Variants in MB21D2 observed in about 807,000 individuals in gnomAD.
The protein encoded by MB21D2 is nucleotidyltransferase MB21D2.
Under a neutral mutation model 33.3 loss-of-function variants are expected in MB21D2, and 9 were observed. That is an observed-to-expected ratio of 0.27 (90% CI 0.16 to 0.47). The LOEUF is 0.47. Among genes scored for constraint, MB21D2 ranks in the 20% least tolerant of loss-of-function variants. The probability of loss-of-function intolerance (pLI) is 0.99; values close to 1 mark genes in which losing one functional copy is unlikely to be tolerated. For synonymous variants in MB21D2, 241 were observed against 236.3 expected (o/e 1.02, Z -0.18); for missense variants, 540 against 624.6 (o/e 0.86, Z 1.44).
intron 1 of MB21D2, among the ~76,000 whole-genome samples, chr3:192,897,206 A>G (rs1448863500): frequency 6.6e-6 from 1 of 152,182 alleles, no homozygotes; most frequent in Admixed American, 6.5e-5. Context: ...AAAGTCGTCA[A>G]ACTAGTCAGA....
At chr3:192,843,519 G>C (rs1030872192) in intron 1 of MB21D2, among the ~76,000 whole-genome samples, 5 of 152,074 alleles carry the variant, frequency 3.3e-5, no homozygotes, top group African/African-American at 1.2e-4. Context: ...AAAAGCAATA[G>C]AGGTAGGGAC....
intron 1 of MB21D2, among the ~76,000 whole-genome samples, chr3:192,857,426 AG>A (rs1417892138): frequency 6.6e-6 from 1 of 152,248 alleles, no homozygotes; most frequent in Non-Finnish European, 1.5e-5. Context: ...ATTAGATGCC[AG>A]AGGAGAAACA....
At chr3:192,913,226 T>C (rs559841005) in intron 1 of MB21D2, among the ~76,000 whole-genome samples, 17 of 152,028 alleles carry the variant, frequency 1.1e-4, no homozygotes, top group African/African-American at 4.1e-4. Context: ...CGAAACCCTG[T>C]CTCTACCAAA....
intron 1 of MB21D2, among the ~76,000 whole-genome samples, chr3:192,865,746 T>A (rs532311882): frequency 1.5e-4 from 23 of 152,058 alleles, no homozygotes; most frequent in Admixed American, 9.2e-4. Flanking sequence ...AACATATGAT[T>A]GTCTTTATCA....
At chr3:192,898,224 A>T (rs1162350522) in intron 1 of MB21D2, among the ~76,000 whole-genome samples, 4 of 142,940 alleles carry the variant, frequency 2.8e-5, no homozygotes, top group African/African-American at 7.7e-5. Flanking sequence ...AATCTCACGT[A>T]TTTTTTTTTT....
chr3:192,808,597 T>C (rs763515769), intron 1 of MB21D2, among the ~76,000 whole-genome samples: 3 of 152,154 alleles, frequency 2.0e-5, no homozygotes, highest in Non-Finnish European at 2.9e-5. Flanking sequence ...CAAGAGAGGA[T>C]CAATCAGAAT....
intron 1 of MB21D2, among the ~76,000 whole-genome samples, chr3:192,888,895 A>G (rs944847803): frequency 2.0e-5 from 3 of 152,078 alleles, no homozygotes; most frequent in South Asian, 4.1e-4. Context: ...CAAGCTATCT[A>G]GAGTCCAGCT....
chr3:192,865,832 G>A (rs967102588), intron 1 of MB21D2, among the ~76,000 whole-genome samples: 9 of 152,114 alleles, frequency 5.9e-5, no homozygotes, highest in Admixed American at 5.9e-4. Flanking sequence ...GATTGCTGGA[G>A]CCCAGGAGTT....
intron 1 of MB21D2, among the ~76,000 whole-genome samples, chr3:192,816,596 A>G (rs1175759587): frequency 6.6e-6 from 1 of 152,206 alleles, no homozygotes; most frequent in Non-Finnish European, 1.5e-5. Flanking sequence ...GTGAGAACAC[A>G]GTGCTTCTTG....
In MB21D2 at chr3:192,816,190, G is replaced by A. The variant is rs138353956; in HGVS notation, c.212-16540C>T. Among the ~76,000 whole-genome samples the A allele has an allele frequency of 8.2e-3, 1,238 of 150,454 alleles. 10 individuals carry two copies. Among genetic ancestry groups the A allele is most frequent in the Admixed American group, 0.019 (284 of 15,160 alleles). ...AGTCCAGTTTGGGTTTTATAGTGAA[G>A]TGGCAAAAAGACGAGAGGACAATTT... On this transcript the variant is annotated intron_variant, in intron 1 of 1. Transcript: ENST00000392452.
intron 1 of MB21D2, among the ~76,000 whole-genome samples, chr3:192,877,342 A>G (rs1713453323): frequency 6.6e-6 from 1 of 151,580 alleles, no homozygotes. Context: ...CATCTAGGTC[A>G]TAATTTGAGG....
intron 1 of MB21D2, among the ~76,000 whole-genome samples, chr3:192,852,993 A>G (rs1261897381): frequency 6.6e-6 from 1 of 150,828 alleles, no homozygotes; most frequent in Non-Finnish European, 1.5e-5. Context: ...TCTCCTTATC[A>G]CTGCCCTAAA....
At chr3:192,914,492 G>A (rs1449584966) in intron 1 of MB21D2, among the ~76,000 whole-genome samples, 1 of 152,138 alleles carries the variant, frequency 6.6e-6, no homozygotes, top group Non-Finnish European at 1.5e-5. Context: ...AAAAGAGCTG[G>A]CAGAGACATT....
chr3:192,914,302 A>G (rs967421523), intron 1 of MB21D2, among the ~76,000 whole-genome samples: 4 of 152,184 alleles, frequency 2.6e-5, no homozygotes, highest in Non-Finnish European at 5.9e-5. Context: ...TGAGAAGATG[A>G]TTAGTAAATG....
chr3:192,910,594 T>G (rs552214921), intron 1 of MB21D2, among the ~76,000 whole-genome samples: 12 of 152,334 alleles, frequency 7.9e-5, no homozygotes, highest in Admixed American at 3.9e-4. Flanking sequence ...AGTTTCAACT[T>G]ATAGCTCCTC....
rs1040651422 is a variant in MB21D2, at chr3:192,847,344, T to C, written c.212-47694A>G. ...GACATGCTTGACAAATATCACCTTA[T>C]TCCCTCCCTAAAAACAACCAGAGAC... On this transcript the variant is annotated intron_variant, in intron 1 of 1. Coordinates refer to ENST00000392452, the MANE Select transcript of MB21D2 (RefSeq NM_178496.4). Among the ~76,000 whole-genome samples the C allele has an allele frequency of 1.3e-4, 20 of 152,126 alleles. 1 individual carries two copies. Among genetic ancestry groups the C allele is most frequent in the African/African-American group, 4.6e-4 (19 of 41,440 alleles).
rs935602790 is a variant in MB21D2, at chr3:192,882,192, C to T, written c.211+35438G>A. Among the ~76,000 whole-genome samples, 72 of 152,002 alleles carry T rather than the reference C, an allele frequency of 4.7e-4. 1 individual carries two copies. The highest frequency in any genetic ancestry group is 2.0e-4 in the Admixed American group (3 of 15,278). ...CCAGGCTAGAGTGCAATGGCACAATCTTGGCTCACTGCAACCTCCACCTCC... is the reference window on the plus strand; with the variant it reads ...CCAGGCTAGAGTGCAATGGCACAATTTTGGCTCACTGCAACCTCCACCTCC... On this transcript the variant is annotated intron_variant, in intron 1 of 1. Coordinates refer to ENST00000392452, the MANE Select transcript of MB21D2 (RefSeq NM_178496.4).
chr3:192,901,586 A>G (rs1447431549), intron 1 of MB21D2, among the ~76,000 whole-genome samples: 1 of 152,160 alleles, frequency 6.6e-6, no homozygotes, highest in Non-Finnish European at 1.5e-5. Flanking sequence ...ATATGCTTCA[A>G]TGCTTTAAAA....
intron 1 of MB21D2, among the ~76,000 whole-genome samples, chr3:192,842,694 T>C (rs537328234): frequency 3.8e-4 from 58 of 152,244 alleles, no homozygotes; most frequent in African/African-American, 1.1e-3. Context: ...AAGAACAATA[T>C]TAGTATTATC....
Sources: allele counts gnomAD v4.1 joint callset (sites outside exome capture counted in the v4.1 genomes callset), GRCh38; gene constraint gnomAD v4.1.1; transcripts MANE v1.5; gene names NCBI Gene and HGNC (gene_info 2026-07-23, HGNC 2026-07-21).